The following YIPF5 variants were observed in gnomAD, a reference collection of about 807,000 sequenced individuals.
The protein encoded by YIPF5 is Yip1 domain family member 5.
Under a neutral mutation model 30.4 loss-of-function variants are expected in YIPF5, and 8 were observed. That is an observed-to-expected ratio of 0.26 (90% confidence interval 0.15 to 0.47). YIPF5 has a LOEUF of 0.47. YIPF5 is among the 20% of genes least tolerant of loss of function. The pLI is 0.99. For synonymous variants in YIPF5, 104 were observed against 107.9 expected, an observed-to-expected ratio of 0.96 and a Z score of 0.23; for missense variants, 282 against 301.8, an observed-to-expected ratio of 0.93 and a Z score of 0.49.
At chr5:144,170,090 G>C (rs1372765046) in intron 1 of YIPF5, 125 bp from the exon 2 acceptor site, 1 of 702,580 alleles carries the variant, frequency 1.4e-6, no homozygotes, top group Non-Finnish European at 2.5e-6. Flanking sequence ...AGAGGGGATG[G>C]GGGCGGAAAG....
Position 144,160,197 on chromosome 5 carries a change from G to T in YIPF5, c.*200C>A, listed in dbSNP as rs1274550381. 21 of 1,319,754 alleles carry T rather than the reference G, an allele frequency of 1.6e-5. No homozygotes were observed. Among genetic ancestry groups the T allele is most frequent in the Admixed American group, 1.1e-4 (3 of 28,530 alleles). 81.8% of individuals were successfully genotyped at this position (1,319,754 alleles called of 1,614,324 possible). A position where few individuals can be genotyped will look rare whatever the true frequency, so the allele number is the denominator to read the frequency against. On this transcript the variant is annotated 3_prime_UTR_variant, in exon 6 of 6. Transcript: ENST00000274496. ...GTATAAACACAAACATTTAAAGCTA[G>T]TCACACCGCAGGTAAATCCAATATA...
intron 4 of YIPF5, 123 bp from the exon 5 acceptor site, chr5:144,162,522 C>A: frequency 2.3e-6 from 2 of 855,492 alleles, no homozygotes; most frequent in Non-Finnish European, 3.6e-6. Context: ...TCTATCTATT[C>A]TTTACGTAGA....
At chr5:144,170,231 T>C (rs1316959143) in intron 1 of YIPF5, 1 of 437,380 alleles carries the variant, frequency 2.3e-6, no homozygotes, top group African/African-American at 2.0e-5. Flanking sequence ...TCGTGGGAGT[T>C]GTGGTTCCAT....
In YIPF5 at chr5:144,164,268, G is replaced by A. The variant is rs776806876; in HGVS notation, c.284-12C>T. Reference sequence around the variant, plus strand: ...ATTGATACCTAACTCTAAAGAGAAAGAAAATTTAAAAGTTAATTAGGATTT... The same window carrying A: ...ATTGATACCTAACTCTAAAGAGAAAAAAAATTTAAAAGTTAATTAGGATTT... On this transcript the variant is annotated splice_polypyrimidine_tract_variant and intron_variant, in intron 3 of 5. Coordinates refer to ENST00000274496, the MANE Select transcript of YIPF5 (RefSeq NM_030799.9). The A allele has an allele frequency of 6.3e-7, 1 of 1,591,180 alleles. No individual in the cohort carries two copies. Among genetic ancestry groups the A allele is most frequent in the African/African-American group, 1.4e-5 (1 of 73,856 alleles).
chr5:144,161,864 T>C (rs998874522), intron 5 of YIPF5, among the ~76,000 whole-genome samples: 2 of 152,180 alleles, frequency 1.3e-5, no homozygotes, highest in African/African-American at 4.8e-5. Context: ...AGAAATTAGG[T>C]GGGATCTAGA....
Position 144,159,397 on chromosome 5 carries a change from A to C in YIPF5, c.*1000T>G, listed in dbSNP as rs1464954677. 3.6e-5 allele frequency: 35 copies of C among 985,236 alleles called. No individual in the cohort carries two copies. The highest frequency in any genetic ancestry group is 4.2e-5 in the Non-Finnish European group (35 of 829,912). The allele number at this position is 985,236 out of a possible 1,614,324, so 61.0% of individuals were successfully genotyped here. On this transcript the variant is annotated 3_prime_UTR_variant, in exon 6 of 6. Coordinates refer to ENST00000274496, the MANE Select transcript of YIPF5 (RefSeq NM_030799.9). ...AGTGATTTTTTTATTATTTTTGGGAAATGTGGCGATCCAACGATTATAGCA... is the reference window on the plus strand; with the variant it reads ...AGTGATTTTTTTATTATTTTTGGGACATGTGGCGATCCAACGATTATAGCA...
At position 144,159,711 on chromosome 5, in the gene YIPF5, T is replaced by G. The variant is rs1260395413; in HGVS notation, c.*686A>C. 1.0e-6 allele frequency: 1 copy of G among 977,996 alleles called. No homozygotes were observed. The highest frequency in any genetic ancestry group is 1.2e-6 in the Non-Finnish European group (1 of 823,982). The allele number at this position is 977,996 out of a possible 1,614,324, so 60.6% of individuals were successfully genotyped here. A position where few individuals can be genotyped will look rare whatever the true frequency, so the allele number is the denominator to read the frequency against. On this transcript the variant is annotated 3_prime_UTR_variant, in exon 6 of 6. Transcript: ENST00000274496. The stretch of plus-strand genomic sequence containing the variant: ...TGCAGTAAGTCTTGTGTCTCCTTTT[T>G]TTTTTTTTTTTGAGACAGAGTCTCA...
At chr5:144,163,883 CT>C (rs1752123034) in intron 4 of YIPF5, 1 of 388,556 alleles carries the variant, frequency 2.6e-6, no homozygotes, top group African/African-American at 2.1e-5. Flanking sequence ...GTTTTTTCCC[CT>C]AATAATTTAA....
At chr5:144,167,833 A>G (rs1442576977) in intron 2 of YIPF5, among the ~76,000 whole-genome samples, 2 of 152,212 alleles carry the variant, frequency 1.3e-5, no homozygotes, top group Non-Finnish European at 2.9e-5. Context: ...ATTTTCACCA[A>G]TGGAGAGCTA....
intron 1 of YIPF5, 90 bp downstream of exon 1, chr5:144,170,445 C>G (rs1752344959): frequency 6.0e-6 from 1 of 165,710 alleles, no homozygotes; most frequent in South Asian, 1.5e-4. Flanking sequence ...AGCGAAAGGA[C>G]CAGGGCGCGG....
chr5:144,162,445 T>C, intron 4 of YIPF5, 46 bp from the exon 5 acceptor site: 1 of 1,539,116 alleles, frequency 6.5e-7, no homozygotes, highest in Non-Finnish European at 8.8e-7. Flanking sequence ...AAATAAGTTA[T>C]TTCTGGCCTT....
At position 144,159,978 on chromosome 5, in the gene YIPF5, G is replaced by C. The variant is rs1185473282; in HGVS notation, c.*419C>G. 3.0e-6 allele frequency: 3 copies of C among 985,180 alleles called. No homozygotes were observed. Among genetic ancestry groups the C allele is most frequent in the Admixed American group, 6.1e-5 (1 of 16,378 alleles). 61.0% of individuals were successfully genotyped at this position (985,180 alleles called of 1,614,324 possible). A position where few individuals can be genotyped will look rare whatever the true frequency, so the allele number is the denominator to read the frequency against. ...CCGCCTCGGCCTCCCAAAGTGCTGGGATTACAGGCGTGAGCTACCACGCCC... is the reference window on the plus strand; with the variant it reads ...CCGCCTCGGCCTCCCAAAGTGCTGGCATTACAGGCGTGAGCTACCACGCCC... On this transcript the variant is annotated 3_prime_UTR_variant, in exon 6 of 6. Transcript: ENST00000274496.
intron 4 of YIPF5, among the ~76,000 whole-genome samples, chr5:144,163,687 A>G (rs923577342): frequency 1.3e-5 from 2 of 152,050 alleles, no homozygotes; most frequent in African/African-American, 2.4e-5. Flanking sequence ...AATTGGGAAA[A>G]TAATTATATA....
chr5:144,162,432 A>G, intron 4 of YIPF5, 33 bp from the exon 5 acceptor site: 1 of 1,570,156 alleles, frequency 6.4e-7, no homozygotes. Flanking sequence ...GTTAAAGGGC[A>G]AAAAATAAGT....
intron 3 of YIPF5, 67 bp from the exon 4 acceptor site, chr5:144,164,323 T>C: frequency 4.9e-6 from 7 of 1,423,978 alleles, no homozygotes; most frequent in Non-Finnish European, 4.8e-6. Context: ...TCAAAATCTA[T>C]CCTGAAACAA....
At chr5:144,166,557 T>C (rs977974952) in intron 2 of YIPF5, among the ~76,000 whole-genome samples, 3 of 152,194 alleles carry the variant, frequency 2.0e-5, no homozygotes, top group African/African-American at 7.2e-5. Context: ...AGTCATAATG[T>C]CAGTTGTTTT....
Position 144,169,894 on chromosome 5 carries a change from T to C in YIPF5, c.62A>G (p.Gln21Arg), listed in dbSNP as rs1010095704. ...FYQTSYSIDD[Q>R]SQQSYDYGGS... is the part of the protein sequence containing the mutation. ...TCCATAATCATAGGACTGCTGTGAC[T>C]GATCATCGATGCTGTAACTTGTCTG... Residue 21 changes from glutamine (Q) to arginine (R), a missense_variant, in exon 2 of 6, where the codon CAG becomes CGG. Physicochemically the swap from Gln to Arg is conservative, Grantham distance 43 (BLOSUM62 1). Coordinates refer to ENST00000274496, the MANE Select transcript of YIPF5 (RefSeq NM_030799.9). 12 of 1,614,124 alleles carry C rather than the reference T, an allele frequency of 7.4e-6. No homozygotes were observed. The Admixed American group carries it at 1.8e-4, about 25-fold the overall frequency.
chr5:144,158,374 C>A lies in YIPF5; in HGVS notation c.*2023G>T, dbSNP rs1175544181. ...TATTTTGGAGCAAAATAAAAAATAA[C>A]CACCACAAAAAAAATCTCTACAATA... On this transcript the variant is annotated 3_prime_UTR_variant, in exon 6 of 6. Transcript: ENST00000274496. 3.4e-6 allele frequency: 4 copies of A among 1,161,314 alleles called. No individual in the cohort carries two copies. The highest frequency in any genetic ancestry group is 2.2e-4 in the Middle Eastern group (1 of 4,446). The allele number at this position is 1,161,314 out of a possible 1,614,324, so 71.9% of individuals were successfully genotyped here.
rs759212950 is a variant in YIPF5 at position 144,169,836 on chromosome 5, G to A, written c.110+10C>T. On this transcript the variant is annotated intron_variant, in intron 2 of 5. Transcript: ENST00000274496. The stretch of plus-strand genomic sequence containing the variant: ...GTAGACTAAATTAATTGCCAAAGAT[G>A]AAAAGTTACTTGCTATAGGGTCCTC... The A allele has an allele frequency of 6.2e-7, 1 of 1,608,024 alleles. No individual in the cohort carries two copies. Among genetic ancestry groups the A allele is most frequent in the Non-Finnish European group, 8.5e-7 (1 of 1,175,078 alleles).
Sources: allele counts gnomAD v4.1 joint callset (sites outside exome capture counted in the v4.1 genomes callset), GRCh38; gene constraint gnomAD v4.1.1; transcripts MANE v1.5; gene names NCBI Gene and HGNC (gene_info 2026-07-23, HGNC 2026-07-21).